Variants in OXCT1 observed in about 807,000 individuals in gnomAD.
OXCT1 encodes succinyl-CoA:3-ketoacid coenzyme A transferase 1, mitochondrial.
A neutral mutation model predicts 69.6 loss-of-function variants in OXCT1; 27 were observed. The ratio of observed to expected loss-of-function variants is 0.39; its 90% CI spans 0.29 to 0.54. The LOEUF is 0.54. Among genes scored for constraint, OXCT1 ranks in the 20% least tolerant of loss-of-function variants. The pLI is 0.72. For synonymous variants in OXCT1, 202 were observed against 217.8 expected (o/e 0.93, Z 0.64); for missense variants, 437 against 650.2 (o/e 0.67, Z 3.57).
At chr5:41,777,374 C>A (rs1387122619) in intron 13 of OXCT1, among the ~76,000 whole-genome samples, 1 of 152,100 alleles carries the variant, frequency 6.6e-6, no homozygotes, top group African/African-American at 2.4e-5. Context: ...CGAGATCGTG[C>A]CACTGCACTC....
chr5:41,837,467 A>G (rs1748422571), intron 7 of OXCT1, among the ~76,000 whole-genome samples: 1 of 152,092 alleles, frequency 6.6e-6, no homozygotes, highest in African/African-American at 2.4e-5. Flanking sequence ...AATCGAATGA[A>G]AAGAGTCCAA....
At chr5:41,755,708 C>G (rs1744036059) in intron 14 of OXCT1, among the ~76,000 whole-genome samples, 1 of 151,994 alleles carries the variant, frequency 6.6e-6, no homozygotes, top group Admixed American at 6.6e-5. Context: ...GCTTTCAGCT[C>G]TATATGAGAC....
intron 3 of OXCT1, among the ~76,000 whole-genome samples, chr5:41,860,855 T>C (rs1181354934): frequency 3.3e-5 from 5 of 152,120 alleles, no homozygotes; most frequent in African/African-American, 9.7e-5. Flanking sequence ...TTGTGATTAA[T>C]GGTATCCCTT....
chr5:41,800,987 T>G (rs1199021179), intron 11 of OXCT1, 35 bp downstream of exon 11: 2 of 1,574,306 alleles, frequency 1.3e-6, no homozygotes, highest in Non-Finnish European at 1.7e-6. Flanking sequence ...ACAAAATTAA[T>G]AGCAAAGGGA....
At chr5:41,814,606 T>G (rs1286159782) in intron 7 of OXCT1, among the ~76,000 whole-genome samples, 1 of 151,586 alleles carries the variant, frequency 6.6e-6, no homozygotes, top group African/African-American at 2.4e-5. Flanking sequence ...ATCATCATTC[T>G]CAATAAACTA....
intron 4 of OXCT1, among the ~76,000 whole-genome samples, chr5:41,850,650 T>C (rs182639629): frequency 6.6e-6 from 1 of 152,306 alleles, no homozygotes; most frequent in East Asian, 1.9e-4. Flanking sequence ...TTTTCATAAA[T>C]ATTTTTATCT....
chr5:41,868,204 T>C (rs1313292899), intron 1 of OXCT1, among the ~76,000 whole-genome samples: 4 of 152,246 alleles, frequency 2.6e-5, no homozygotes, highest in Non-Finnish European at 5.9e-5. Context: ...TAGTTATGTT[T>C]AGTGGAAAAA....
At chr5:41,818,034 C>T (rs761330582) in intron 7 of OXCT1, among the ~76,000 whole-genome samples, 2 of 152,166 alleles carry the variant, frequency 1.3e-5, no homozygotes, top group African/African-American at 2.4e-5. Context: ...ATTTCTAAGC[C>T]TGCAAAGTGT....
At chr5:41,795,642 T>C (rs1746142834) in intron 11 of OXCT1, among the ~76,000 whole-genome samples, 1 of 152,138 alleles carries the variant, frequency 6.6e-6, no homozygotes, top group South Asian at 2.1e-4. Flanking sequence ...ACTTCTGAGA[T>C]GCTAATGTAC....
At chr5:41,845,883 A>T (rs533289728) in intron 5 of OXCT1, among the ~76,000 whole-genome samples, 74 of 152,224 alleles carry the variant, frequency 4.9e-4, no homozygotes, top group African/African-American at 1.7e-3. Flanking sequence ...GATCAAACAT[A>T]AAAAACACAT....
intron 13 of OXCT1, among the ~76,000 whole-genome samples, chr5:41,774,541 G>A (rs376872416): frequency 6.6e-6 from 1 of 152,148 alleles, no homozygotes; most frequent in Non-Finnish European, 1.5e-5. Flanking sequence ...GACAACAAAG[G>A]GGTAGACCAG....
chr5:41,780,037 T>G (rs917652842), intron 13 of OXCT1, among the ~76,000 whole-genome samples: 2 of 151,982 alleles, frequency 1.3e-5, no homozygotes, highest in Non-Finnish European at 2.9e-5. Context: ...TGAGTAAAAG[T>G]AAAGAAAATT....
At chr5:41,751,262 C>G (rs1490336793) in intron 14 of OXCT1, among the ~76,000 whole-genome samples, 3 of 152,126 alleles carry the variant, frequency 2.0e-5, no homozygotes, top group African/African-American at 7.2e-5. Context: ...CTGCCAGCCA[C>G]TGAAGAACAT....
intron 13 of OXCT1, among the ~76,000 whole-genome samples, chr5:41,763,024 T>A (rs923742806): frequency 6.6e-6 from 1 of 152,134 alleles, no homozygotes; most frequent in Non-Finnish European, 1.5e-5. Flanking sequence ...GAAACCTCCT[T>A]AAAATTTTAT....
chr5:41,739,764 G>A (rs1743069251), intron 15 of OXCT1: 1 of 362,308 alleles, frequency 2.8e-6, no homozygotes, highest in Non-Finnish European at 5.4e-6. Context: ...CCAGCTACTT[G>A]GGAGGCTGAG....
intron 13 of OXCT1, among the ~76,000 whole-genome samples, chr5:41,782,506 C>T (rs1231968837): frequency 6.6e-6 from 1 of 152,040 alleles, no homozygotes; most frequent in African/African-American, 2.4e-5. Context: ...GAGCCACTGC[C>T]CCAGGAGCTT....
chr5:41,757,498 C>A (rs757007066), intron 14 of OXCT1, among the ~76,000 whole-genome samples: 8 of 152,016 alleles, frequency 5.3e-5, no homozygotes, highest in Non-Finnish European at 1.0e-4. Flanking sequence ...GCCTGAAGGA[C>A]CATATCTTTT....
chr5:41,733,013 C>A (rs1742710488), intron 16 of OXCT1, among the ~76,000 whole-genome samples: 1 of 152,070 alleles, frequency 6.6e-6, no homozygotes, highest in Admixed American at 6.6e-5. Flanking sequence ...TAAAGTTCAG[C>A]ATGATTTGGT....
intron 14 of OXCT1, among the ~76,000 whole-genome samples, chr5:41,760,883 C>T (rs1744313422): frequency 6.6e-6 from 1 of 152,070 alleles, no homozygotes. Context: ...ACAACAAAAT[C>T]ATTTTGTGGC....
Sources: allele counts gnomAD v4.1 joint callset (sites outside exome capture counted in the v4.1 genomes callset), GRCh38; gene constraint gnomAD v4.1.1; transcripts MANE v1.5; gene names NCBI Gene and HGNC (gene_info 2026-07-23, HGNC 2026-07-21).